ARRB1: variants seen among roughly 807,000 people sequenced by gnomAD.
ARRB1 encodes beta-arrestin-1.
In ARRB1, 21 loss-of-function variants were observed where a neutral mutation model predicts 56.8. That is an observed-to-expected ratio of 0.37 (90% CI 0.26 to 0.53). The LOEUF (loss-of-function observed/expected upper bound fraction) is 0.53, where lower values mean the gene tolerates loss of function less well. Among genes scored for constraint, ARRB1 ranks in the 20% least tolerant of loss-of-function variants. ARRB1 has a pLI of 0.88. For synonymous variants in ARRB1, 210 were observed against 218.6 expected, an observed-to-expected ratio of 0.96 and a Z score of 0.35; for missense variants, 424 against 553.7, an observed-to-expected ratio of 0.77 and a Z score of 2.35.
intron 1 of ARRB1, chr11:75,303,589 C>CCT (rs1255611235): frequency 8.8e-6 from 4 of 456,168 alleles, no homozygotes. Context: ...GGGCCTGGGG[C>CCT]TGTTTTTACC....
intron 14 of ARRB1, among the ~76,000 whole-genome samples, 177 bp downstream of exon 14, chr11:75,268,712 C>T (rs1014954310): frequency 3.3e-5 from 5 of 152,030 alleles, no homozygotes; most frequent in South Asian, 2.1e-4. Context: ...ACAGGAGCCA[C>T]GCCTCACTGT....
At chr11:75,349,678 C>A (rs1361569032) in intron 1 of ARRB1, among the ~76,000 whole-genome samples, 1 of 152,244 alleles carries the variant, frequency 6.6e-6, no homozygotes, top group Non-Finnish European at 1.5e-5. Flanking sequence ...CCTCATGGGT[C>A]AAGAGGGTCT....
In ARRB1 at chr11:75,266,864, G is replaced by C. The variant is rs148601369; in HGVS notation, c.1146-590C>G. ...CAGACAGAAGAAGGCTGGGGTAGGA[G>C]GATGTGAATCTAAATAGGGGGGCAG... On this transcript the variant is annotated intron_variant, in intron 15 of 15. Transcript: ENST00000420843. 6.4e-3 allele frequency among the ~76,000 whole-genome samples: 982 copies of C among 152,304 alleles called. 17 individuals carry two copies. The highest frequency in any genetic ancestry group is 0.023 in the African/African-American group (938 of 41,554).
intron 5 of ARRB1, 30 bp downstream of exon 5, chr11:75,283,257 A>C: frequency 6.4e-7 from 1 of 1,564,880 alleles, no homozygotes; most frequent in Non-Finnish European, 8.7e-7. Flanking sequence ...GCATTTCTGG[A>C]ATGGGGCCCC....
At chr11:75,283,031 C>T (rs1308646121) in intron 5 of ARRB1, among the ~76,000 whole-genome samples, 1 of 152,148 alleles carries the variant, frequency 6.6e-6, no homozygotes, top group South Asian at 2.1e-4. Flanking sequence ...CCCTTAGCAC[C>T]CCCTTTCTCC....
intron 1 of ARRB1, among the ~76,000 whole-genome samples, chr11:75,322,781 A>C (rs1947367596): frequency 6.6e-6 from 1 of 152,210 alleles, no homozygotes; most frequent in South Asian, 2.1e-4. Context: ...GAGTGGAAGC[A>C]GAGAGACCAG....
chr11:75,303,424 T>C (rs1005928000), intron 1 of ARRB1, among the ~76,000 whole-genome samples: 1 of 152,152 alleles, frequency 6.6e-6, no homozygotes, highest in African/African-American at 2.4e-5. Context: ...CTTCACACAG[T>C]CCCAGCGTCA....
intron 15 of ARRB1, 33 bp downstream of exon 15, chr11:75,267,619 C>A (rs1261832961): frequency 3.8e-6 from 6 of 1,582,908 alleles, no homozygotes; most frequent in Non-Finnish European, 5.2e-6. Context: ...CCGCGGCCCA[C>A]CCCCGGATGT....
chr11:75,279,935 C>T (rs141185213), intron 7 of ARRB1, among the ~76,000 whole-genome samples: 2 of 152,312 alleles, frequency 1.3e-5, no homozygotes, highest in African/African-American at 2.4e-5. Flanking sequence ...TTCCAGAGCT[C>T]TGGGATTACA....
At chr11:75,335,590 C>A (rs1591987108) in intron 1 of ARRB1, among the ~76,000 whole-genome samples, 1 of 148,818 alleles carries the variant, frequency 6.7e-6, no homozygotes, top group African/African-American at 2.5e-5. Flanking sequence ...GTCCCTGTCT[C>A]AAAAAAAAAA....
At chr11:75,338,369 G>A (rs1206517814) in intron 1 of ARRB1, among the ~76,000 whole-genome samples, 1 of 152,158 alleles carries the variant, frequency 6.6e-6, no homozygotes, top group Non-Finnish European at 1.5e-5. Flanking sequence ...GTAGAATGAG[G>A]AGAACAGTAC....
chr11:75,321,209 GCACGTGGAAGAAAATCCCACCC>G (rs1365237232), intron 1 of ARRB1, among the ~76,000 whole-genome samples: 77 of 152,138 alleles, frequency 5.1e-4, no homozygotes, highest in East Asian at 9.7e-4. Context: ...TATGACCTCA[GCACGTGGAAGAAAATCCCACCC>G]CACGTGGAAG....
In ARRB1 at chr11:75,267,608, C is replaced by T. The variant is rs1466793584; in HGVS notation, c.1145+44G>A. Reference sequence around the variant, plus strand: ...CAAATGACCCCCTCCACCCCGCCCACCCGCGGCCCACCCCCGGATGTCTGC... The same window carrying T: ...CAAATGACCCCCTCCACCCCGCCCATCCGCGGCCCACCCCCGGATGTCTGC... On this transcript the variant is annotated intron_variant, in intron 15 of 15. Transcript: ENST00000420843. 9 of 1,367,794 alleles carry T rather than the reference C, an allele frequency of 6.6e-6. No individual in the cohort carries two copies. In the South Asian group the frequency reaches 7.0e-5, roughly 11 times the overall value. The allele number at this position is 1,367,794 out of a possible 1,614,324, so 84.7% of individuals were successfully genotyped here. A position where few individuals can be genotyped will look rare whatever the true frequency, so the allele number is the denominator to read the frequency against.
rs35056173 is a variant in ARRB1, at chr11:75,287,298, G to T, written c.112+17C>A. The stretch of plus-strand genomic sequence containing the variant: ...CACATCTTCCCCCAGCCCTCCTCTC[G>T]CCCTCCAGGGACTCACCCACAGGGT... On this transcript the variant is annotated intron_variant, in intron 3 of 15. Transcript: ENST00000420843. The T allele has an allele frequency of 6.2e-5, 96 of 1,548,530 alleles. No individual in the cohort carries two copies. Among genetic ancestry groups the T allele is most frequent in the Non-Finnish European group, 8.1e-5 (93 of 1,145,006 alleles).
At chr11:75,337,445 G>A (rs1374417147) in intron 1 of ARRB1, among the ~76,000 whole-genome samples, 1 of 152,190 alleles carries the variant, frequency 6.6e-6, no homozygotes, top group Non-Finnish European at 1.5e-5. Context: ...TAAGAAGAGG[G>A]AAAGGGTGCT....
intron 3 of ARRB1, 150 bp downstream of exon 3, chr11:75,287,165 A>T (rs1946499009): frequency 1.3e-6 from 1 of 753,392 alleles, no homozygotes; most frequent in Non-Finnish European, 2.1e-6. Context: ...GTGGGAAAGT[A>T]GCTGCTCAGT....
At chr11:75,269,228 CA>C (rs746492704) in intron 13 of ARRB1, 1 of 687,230 alleles carries the variant, frequency 1.5e-6, no homozygotes, top group South Asian at 1.4e-5. Flanking sequence ...GGAAGAGGCC[CA>C]GGGGTGGGAA....
intron 1 of ARRB1, among the ~76,000 whole-genome samples, chr11:75,347,802 T>TA (rs1174773829): frequency 3.9e-5 from 6 of 152,216 alleles, no homozygotes; most frequent in African/African-American, 1.4e-4. Flanking sequence ...CGTGTAATTC[T>TA]AACACACACC....
rs1947585309 is a variant in ARRB1, at chr11:75,335,280, T to G, written c.20+16308A>C. 7 of 171,190 alleles carry G rather than the reference T, an allele frequency of 4.1e-5. No individual in the cohort carries two copies. The South Asian group carries it at 1.3e-3, about 31-fold the overall frequency. The allele number at this position is 171,190 out of a possible 1,614,324, so 10.6% of individuals were successfully genotyped here. A position where few individuals can be genotyped will look rare whatever the true frequency, so the allele number is the denominator to read the frequency against. The stretch of plus-strand genomic sequence containing the variant: ...AAGTCTGTCTGTCTTTCTCTTGCCA[T>G]GGTTTCAGAAGAAGCAGATCTTGGC... On this transcript the variant is annotated intron_variant, in intron 1 of 15. Coordinates refer to ENST00000420843, the MANE Select transcript of ARRB1 (RefSeq NM_004041.5).
Sources: gnomAD v4.1 joint callset for allele counts (sites outside exome capture counted in the v4.1 genomes callset) on GRCh38, gnomAD v4.1.1 for gene constraint, MANE v1.5 for transcripts, NCBI Gene and HGNC (gene_info 2026-07-23, HGNC 2026-07-21) for gene names.